The following ATM variants were observed in gnomAD, a reference collection of about 807,000 sequenced individuals.
ATM encodes the protein serine-protein kinase ATM.
ATM carries 308 observed loss-of-function variants against 387.0 expected under a neutral mutation model. That is an observed-to-expected ratio of 0.80 (90% CI 0.73 to 0.87). The LOEUF is 0.87. ATM is among the 40% of genes least tolerant of loss of function. The pLI, the probability that ATM is intolerant of heterozygous loss-of-function variation, is 0.00. For synonymous variants in ATM, 1,156 were observed against 1,187.3 expected, an observed-to-expected ratio of 0.97 and a Z score of 0.54; for missense variants, 3,312 against 3,560.9, an observed-to-expected ratio of 0.93 and a Z score of 1.78.
rs1591593623 is a variant in ATM at position 108,268,421 on chromosome 11, C to G, written c.2650C>G (p.Pro884Ala). The change falls in exon 18 of 63, where the codon CCT (proline) becomes GCT (alanine). Residue 884 changes from proline to alanine, a missense_variant. Transcript: ENST00000675843. ...CTTTTTATTTTTAGGTGCCATTAAT[C>G]CTTTAGCTGAAGAATATCTGTCAAA... is the stretch of plus-strand genomic sequence containing the variant. Reference protein sequence around the residue: ...ESQSTIGAINPLAEEYLSKQD... With the variant: ...ESQSTIGAINALAEEYLSKQD... 1 of 1,613,524 alleles carries G rather than the reference C, an allele frequency of 6.2e-7. No individual in the cohort carries two copies.
chr11:108,293,886 A>AT (rs1555100904), intron 31 of ATM, among the ~76,000 whole-genome samples: 130 of 103,420 alleles, frequency 1.3e-3, no homozygotes, highest in Admixed American at 2.6e-3. Context: ...TCAAAAAAAA[A>AT]AAAAAAAAAT....
chr11:108,235,602 G>A (rs2135118933), intron 4 of ATM, 68 bp from the exon 5 acceptor site: 2 of 1,343,982 alleles, frequency 1.5e-6, no homozygotes, highest in Admixed American at 2.0e-5. Context: ...TATTTAAATA[G>A]TTGCCATTCC....
intron 50 of ATM, 56 bp from the exon 51 acceptor site, chr11:108,331,388 G>A (rs1004379378): frequency 6.3e-7 from 1 of 1,580,396 alleles, no homozygotes; most frequent in Non-Finnish European, 8.6e-7. Context: ...TTGCTTAGAT[G>A]TGAGAATATT....
chr11:108,248,927 T>G lies in ATM; in HGVS notation c.1066-6T>G, dbSNP rs201686625. 2.1e-3 allele frequency: 3,346 copies of G among 1,599,504 alleles called. 7 individuals are homozygous for G. Among genetic ancestry groups the G allele is most frequent in the Non-Finnish European group, 2.6e-3 (3,050 of 1,172,882 alleles). On this transcript the variant is annotated splice_region_variant and splice_polypyrimidine_tract_variant and intron_variant, in intron 8 of 62. Transcript: ENST00000675843. ...AGAAAAAAGTGGATTTATTTTTATT[T>G]TACAGGTTTTTAATGAAGATACCAG...
At position 108,365,076 on chromosome 11, in the gene ATM, G is replaced by A. The variant is rs777096209; in HGVS notation, c.8851-6G>A. ...TTCTTTTAATACATATGTTCTCTCT[G>A]TTTAGGTCCTTCTATATGATCCACT... On this transcript the variant is annotated splice_polypyrimidine_tract_variant and splice_region_variant and intron_variant, in intron 61 of 62. Transcript: ENST00000675843. 1 of 1,613,814 alleles carries A rather than the reference G, an allele frequency of 6.2e-7. No individual in the cohort carries two copies. The highest frequency in any genetic ancestry group is 8.5e-7 in the Non-Finnish European group (1 of 1,179,776).
At chr11:108,332,309 G>A (rs761868598) in intron 52 of ATM, among the ~76,000 whole-genome samples, 33 of 152,122 alleles carry the variant, frequency 2.2e-4, no homozygotes, top group Non-Finnish European at 4.4e-4. Flanking sequence ...GTGGGCACCT[G>A]TAGTCCCAGC....
intron 31 of ATM, among the ~76,000 whole-genome samples, chr11:108,294,355 T>C (rs546744282): frequency 2.6e-4 from 40 of 152,368 alleles, no homozygotes; most frequent in African/African-American, 9.6e-4. Context: ...TGTAAAGTTA[T>C]ACTACTAAAG....
chr11:108,334,355 T>G (rs1458437905), intron 54 of ATM, among the ~76,000 whole-genome samples: 7 of 152,202 alleles, frequency 4.6e-5, no homozygotes, highest in Non-Finnish European at 2.9e-5. Flanking sequence ...CTGTGATATA[T>G]CACAGTATTA....
At chr11:108,357,703 A>C (rs971677759) in intron 61 of ATM, among the ~76,000 whole-genome samples, 39 of 152,280 alleles carry the variant, frequency 2.6e-4, no homozygotes, top group South Asian at 1.7e-3. Context: ...CTCACACGGC[A>C]GGGTACTCCA....
rs764059261 is a variant in ATM, at chr11:108,268,457, CT to C, written c.2690del (p.Phe897SerfsTer2). On this transcript the variant is annotated frameshift_variant, in exon 18 of 63. Transcript: ENST00000675843. LOFTEE classifies it high-confidence loss of function. ...AGAATATCTGTCAAAGCAAGATCTA[CT>C]TTTCTTAGACATGCTCAAGTTCTTG... ...AEEYLSKQDLLFLDMLKFLCL... is the reference protein window; with the variant it reads ...AEEYLSKQDLXFLDMLKFLCL... 1 of 1,613,982 alleles carries C rather than the reference CT, an allele frequency of 6.2e-7. No individual in the cohort carries two copies. Among genetic ancestry groups the C allele is most frequent in the Non-Finnish European group, 8.5e-7 (1 of 1,179,976 alleles).
intron 8 of ATM, 132 bp from the exon 9 acceptor site, chr11:108,248,801 T>A (rs957758833): frequency 1.4e-6 from 1 of 716,720 alleles, no homozygotes; most frequent in African/African-American, 1.8e-5. Flanking sequence ...GGCAGGAGAA[T>A]CACTTGAACC....
Position 108,331,441 on chromosome 11 carries a change from TAG to T in ATM, c.7519_7520del, listed in dbSNP as rs587781905. On this transcript the variant is annotated splice_acceptor_variant, in intron 50 of 62. Transcript: ENST00000675843. LOFTEE classifies it high-confidence loss of function. ...TAATTTTGTGTCTTTTTTTTAATGG[TAG>T]AGAGACGGAATGAAGATTCCAACAT... The T allele has an allele frequency of 6.2e-7, 1 of 1,612,790 alleles. No homozygotes were observed. Among genetic ancestry groups the T allele is most frequent in the East Asian group, 2.2e-5 (1 of 44,742 alleles).
At chr11:108,361,587 T>C (rs986756611) in intron 61 of ATM, among the ~76,000 whole-genome samples, 43 of 152,022 alleles carry the variant, frequency 2.8e-4, no homozygotes, top group African/African-American at 7.2e-4. Flanking sequence ...ATGGTACTGG[T>C]ACCAAAACAG....
intron 9 of ATM, among the ~76,000 whole-genome samples, chr11:108,249,564 C>T (rs963806723): frequency 2.0e-5 from 3 of 152,124 alleles, no homozygotes; most frequent in African/African-American, 4.8e-5. Flanking sequence ...ATGTAACGTT[C>T]ACATATATTT....
chr11:108,313,888 TTA>T (rs1021781162), intron 40 of ATM, among the ~76,000 whole-genome samples: 1 of 152,198 alleles, frequency 6.6e-6, no homozygotes, highest in Non-Finnish European at 1.5e-5. Flanking sequence ...TTTATTTTTT[TTA>T]TGTTTTCATT....
At chr11:108,235,494 T>C (rs2079222342) in intron 4 of ATM, among the ~76,000 whole-genome samples, 176 bp from the exon 5 acceptor site, 1 of 151,708 alleles carries the variant, frequency 6.6e-6, no homozygotes, top group South Asian at 2.1e-4. Context: ...AAAATGTTAT[T>C]TGCAAAGAAA....
In ATM at chr11:108,250,845, G is replaced by A. The variant is rs145333518; in HGVS notation, c.1380G>A (p.Thr460=). The A allele has an allele frequency of 7.4e-6, 12 of 1,614,076 alleles. No homozygotes were observed. Among genetic ancestry groups the A allele is most frequent in the African/African-American group, 4.0e-5 (3 of 75,016 alleles). Residue 460 remains threonine (T), a synonymous_variant, in exon 10 of 63, where the codon ACG becomes ACA. Coordinates refer to ENST00000675843, the MANE Select transcript of ATM (RefSeq NM_000051.4). The part of the protein sequence containing the change: ...ERTPYVLRCL[T]EVALCQDKRS... ...CACCATATGTGTTACGATGCCTTAC[G>A]GAAGTTGCATTGTGTCAAGACAAGA...
intron 61 of ATM, among the ~76,000 whole-genome samples, chr11:108,362,952 T>TA (rs923571513): frequency 6.1e-4 from 92 of 151,408 alleles, no homozygotes; most frequent in East Asian, 3.5e-3. Flanking sequence ...AAGTATAATT[T>TA]AAAAAAAACT....
chr11:108,325,595 T>A (rs1263049779), intron 46 of ATM, 51 bp downstream of exon 46: 1 of 1,458,720 alleles, frequency 6.9e-7, no homozygotes, highest in Non-Finnish European at 9.5e-7. Flanking sequence ...TTCCTTTTAT[T>A]ATTTAAAAAA....
Sources: allele counts gnomAD v4.1 joint callset (sites outside exome capture counted in the v4.1 genomes callset), GRCh38; gene constraint gnomAD v4.1.1; transcripts MANE v1.5; gene names NCBI Gene and HGNC (gene_info 2026-07-23, HGNC 2026-07-21).